Variants in TDRD7 observed in about 807,000 individuals in gnomAD.
TDRD7 encodes the protein tudor domain-containing protein 7.
In TDRD7, 47 loss-of-function variants were observed where a neutral mutation model predicts 109.8. The ratio of observed to expected loss-of-function variants is 0.43; its 90% confidence interval spans 0.34 to 0.55. The LOEUF is 0.55. TDRD7 is among the 20% of genes least tolerant of loss of function. TDRD7 has a pLI of 0.03. For synonymous variants in TDRD7, 424 were observed against 457.3 expected (o/e 0.93, Z 0.93); for missense variants, 1,164 against 1,319.2 (o/e 0.88, Z 1.82).
intron 6 of TDRD7, among the ~76,000 whole-genome samples, chr9:97,450,749 T>C (rs1828476168): frequency 6.6e-6 from 1 of 152,166 alleles, no homozygotes; most frequent in Non-Finnish European, 1.5e-5. Context: ...AGATGACAGA[T>C]GGTGATCACA....
At chr9:97,478,100 A>C (rs1404089070) in intron 12 of TDRD7, among the ~76,000 whole-genome samples, 2 of 151,988 alleles carry the variant, frequency 1.3e-5, no homozygotes, top group Non-Finnish European at 2.9e-5. Flanking sequence ...TCTACTAAAA[A>C]ATACAAAAAA....
intron 1 of TDRD7, among the ~76,000 whole-genome samples, chr9:97,413,544 G>C (rs985517371): frequency 6.6e-6 from 1 of 152,184 alleles, no homozygotes; most frequent in Non-Finnish European, 1.5e-5. Flanking sequence ...GTTTTTTGAG[G>C]GCAGGGACAC....
chr9:97,469,117 A>G (rs1184322558), intron 8 of TDRD7, among the ~76,000 whole-genome samples: 3 of 152,330 alleles, frequency 2.0e-5, no homozygotes, highest in South Asian at 2.1e-4. Context: ...TTCACATGCT[A>G]TGTCCTATTG....
At chr9:97,491,930 G>A (rs1420861609) in intron 16 of TDRD7, among the ~76,000 whole-genome samples, 1 of 152,172 alleles carries the variant, frequency 6.6e-6, no homozygotes, top group Non-Finnish European at 1.5e-5. Context: ...GTGGGAGACA[G>A]GGCCCTATAA....
chr9:97,460,328 G>A lies in TDRD7; in HGVS notation c.1006G>A (p.Val336Ile). Residue 336 changes from valine to isoleucine, a missense_variant, in exon 7 of 17, where the codon GTT (valine) becomes ATT (isoleucine). Around this residue, in one of 5 missense-constraint regions of TDRD7, gnomAD observed 407 missense variants for 394.0 expected, o/e 1.03. Transcript: ENST00000355295. ...ACCACCGTTGAAAGGGTGTCCAACAGTTATGGCAGGAGACTTTAAAGAAAA... is the reference window on the plus strand; with the variant it reads ...ACCACCGTTGAAAGGGTGTCCAACAATTATGGCAGGAGACTTTAAAGAAAA... ...QTPPLKGCPT[V>I]MAGDFKEKVA... The A allele has an allele frequency of 6.2e-7, 1 of 1,614,192 alleles. No homozygotes were observed. The highest frequency in any genetic ancestry group is 8.5e-7 in the Non-Finnish European group (1 of 1,180,030).
chr9:97,425,782 C>T (rs1054499146), intron 1 of TDRD7, among the ~76,000 whole-genome samples: 3 of 152,144 alleles, frequency 2.0e-5, no homozygotes, highest in African/African-American at 7.2e-5. Flanking sequence ...TCGTACATTG[C>T]CTAACGACAG....
At chr9:97,418,404 A>C (rs1364123724) in intron 1 of TDRD7, among the ~76,000 whole-genome samples, 1 of 152,162 alleles carries the variant, frequency 6.6e-6, no homozygotes, top group Non-Finnish European at 1.5e-5. Flanking sequence ...CTGCTATATA[A>C]AGGAGAAGAC....
intron 1 of TDRD7, among the ~76,000 whole-genome samples, chr9:97,422,564 TAATG>T (rs1827917625): frequency 6.6e-6 from 1 of 152,256 alleles, no homozygotes; most frequent in Non-Finnish European, 1.5e-5. Flanking sequence ...TCCACTGTGA[TAATG>T]AATGGGAGTG....
At chr9:97,457,384 A>G (rs1015962641) in intron 6 of TDRD7, among the ~76,000 whole-genome samples, 2 of 151,848 alleles carry the variant, frequency 1.3e-5, no homozygotes, top group African/African-American at 2.4e-5. Context: ...AAATATATAT[A>G]TATTTTTTTT....
At chr9:97,427,449 T>C (rs1309880775) in intron 1 of TDRD7, among the ~76,000 whole-genome samples, 1 of 152,208 alleles carries the variant, frequency 6.6e-6, no homozygotes, top group Admixed American at 6.5e-5. Context: ...ATCTGTAACC[T>C]TGTTTTTTAC....
Position 97,470,023 on chromosome 9 carries a change from A to T in TDRD7, c.1630-535A>T, listed in dbSNP as rs561742767. Among the ~76,000 whole-genome samples, 5 of 152,264 alleles carry T rather than the reference A, an allele frequency of 3.3e-5. No individual in the cohort carries two copies. In the South Asian group the frequency reaches 8.3e-4, roughly 25 times the overall value. ...AGCAGTGATACCATTGTTGTCATTG[A>T]TGAAGCATCTCGGTCCCTGGAAGCA... is the stretch of plus-strand genomic sequence containing the variant. On this transcript the variant is annotated intron_variant, in intron 8 of 16. Transcript: ENST00000355295.
At chr9:97,466,454 C>A (rs1828823464) in intron 8 of TDRD7, among the ~76,000 whole-genome samples, 1 of 152,094 alleles carries the variant, frequency 6.6e-6, no homozygotes, top group African/African-American at 2.4e-5. Context: ...GAACACTTAA[C>A]CATATGACCC....
At chr9:97,465,207 G>A (rs902942951) in intron 8 of TDRD7, among the ~76,000 whole-genome samples, 179 bp downstream of exon 8, 5 of 152,076 alleles carry the variant, frequency 3.3e-5, no homozygotes, top group African/African-American at 7.2e-5. Context: ...CTTTAAATTC[G>A]TGGTAGTTAT....
intron 15 of TDRD7, 86 bp from the exon 16 acceptor site, chr9:97,487,086 C>A: frequency 7.1e-7 from 1 of 1,412,664 alleles, no homozygotes; most frequent in East Asian, 2.3e-5. Context: ...ATTAATTTTT[C>A]TTTTTATCAT....
intron 6 of TDRD7, among the ~76,000 whole-genome samples, chr9:97,453,155 A>G (rs1828529671): frequency 6.6e-6 from 1 of 152,204 alleles, no homozygotes; most frequent in Non-Finnish European, 1.5e-5. Flanking sequence ...GTCCACTGAA[A>G]GTAGTTTCTA....
chr9:97,442,879 T>G (rs1424482478), intron 6 of TDRD7, among the ~76,000 whole-genome samples: 1 of 152,136 alleles, frequency 6.6e-6, no homozygotes, highest in Non-Finnish European at 1.5e-5. Flanking sequence ...CACTGCAACC[T>G]TCGCCTCCAG....
intron 8 of TDRD7, among the ~76,000 whole-genome samples, chr9:97,466,223 T>G (rs1828820125): frequency 6.6e-6 from 1 of 152,096 alleles, no homozygotes; most frequent in African/African-American, 2.4e-5. Context: ...AAGTGGGAGT[T>G]AGGAGGTCAG....
chr9:97,460,039 C>A, intron 6 of TDRD7, 139 bp from the exon 7 acceptor site: 1 of 742,704 alleles, frequency 1.3e-6, no homozygotes, highest in Non-Finnish European at 2.3e-6. Context: ...CATTAAAGTC[C>A]TAGCAATTGA....
chr9:97,490,549 T>TC (rs1554750846), intron 16 of TDRD7, among the ~76,000 whole-genome samples: 1 of 109,866 alleles, frequency 9.1e-6, no homozygotes, highest in Non-Finnish European at 1.9e-5. Flanking sequence ...TATATTTTGG[T>TC]GGGGGGGGGG....
Sources: allele counts gnomAD v4.1 joint callset (sites outside exome capture counted in the v4.1 genomes callset), GRCh38; gene constraint gnomAD v4.1.1; regional missense constraint gnomAD v4.1.1; transcripts MANE v1.5; gene names NCBI Gene and HGNC (gene_info 2026-07-23, HGNC 2026-07-21).